Variants in ABCC12 observed in about 807,000 individuals in gnomAD.
ABCC12 encodes the protein ATP binding cassette subfamily C member 12.
ABCC12 carries 142 observed loss-of-function variants against 151.1 expected under a neutral mutation model. The observed-to-expected ratio is 0.94, with a 90% CI of 0.82 to 1.08. The LOEUF (loss-of-function observed/expected upper bound fraction) is 1.08. ABCC12 is among the 50% of genes least tolerant of loss of function. ABCC12 has a pLI of 0.00. For synonymous variants in ABCC12, 645 were observed against 646.4 expected (o/e 1.00, Z 0.03); for missense variants, 1,638 against 1,691.1 (o/e 0.97, Z 0.55).
Position 48,087,918 on chromosome 16 carries a change from A to C in ABCC12, c.3635+8T>G, listed in dbSNP as rs1185915273. The stretch of plus-strand genomic sequence containing the variant: ...AAATAGAAATGCACAATGATTAAAA[A>C]CAGCTACCTTACTGTACCTACAAAC... On this transcript the variant is annotated splice_region_variant and intron_variant, in intron 27 of 30. Transcript: ENST00000311303. The C allele has an allele frequency of 6.2e-7, 1 of 1,604,730 alleles. No homozygotes were observed. The highest frequency in any genetic ancestry group is 8.5e-7 in the Non-Finnish European group (1 of 1,174,340).
At chr16:48,139,837 C>CTGTT (rs1964743562) in intron 6 of ABCC12, among the ~76,000 whole-genome samples, 1 of 152,216 alleles carries the variant, frequency 6.6e-6, no homozygotes, top group Non-Finnish European at 1.5e-5. Context: ...ACCCCTTCTT[C>CTGTT]TGTTCCTCTT....
chr16:48,088,884 T>TC, intron 25 of ABCC12, 150 bp from the exon 26 acceptor site: 3 of 668,904 alleles, frequency 4.5e-6, no homozygotes, highest in Non-Finnish European at 4.7e-6. Context: ...GAAACTCACA[T>TC]TCCAGTGGGG....
chr16:48,153,937 C>T (rs897919567), intron 1 of ABCC12, 53 bp from the exon 2 acceptor site: 2 of 152,174 alleles, frequency 1.3e-5, no homozygotes, highest in African/African-American at 4.8e-5. Flanking sequence ...CTTTGGCTAA[C>T]GTCTCTATCC....
Position 48,111,761 on chromosome 16 carries a change from C to T in ABCC12, c.2124+15G>A, listed in dbSNP as rs768950602. 3.7e-6 allele frequency: 6 copies of T among 1,614,010 alleles called. No individual in the cohort carries two copies. The African/African-American group carries it at 5.3e-5, about 14-fold the overall frequency. ...CCGCCCCAATTGTTCCCACACCTGC[C>T]CAGGTGTGAGTTACCTTGAACTGCA... On this transcript the variant is annotated intron_variant, in intron 16 of 30. Transcript: ENST00000311303.
chr16:48,141,324 G>A lies in ABCC12; in HGVS notation c.305C>T (p.Ala102Val), dbSNP rs16945874. The A allele has an allele frequency of 1.2e-6, 2 of 1,614,084 alleles. No homozygotes were observed. The highest frequency in any genetic ancestry group is 1.7e-5 in the Admixed American group (1 of 60,030). The change falls in exon 5 of 31, where the codon GCA (alanine) becomes GTA (valine). Residue 102 changes from alanine (A) to valine (V), a missense_variant. Ala to Val is a moderately conservative substitution (Grantham distance 64). Transcript: ENST00000311303. ...RFRVLWDEEV[A>V]RVGPEKASLS... ...AGAGGCCTTCTCAGGACCCACCCTTGCTACCTCTTCATCCCAAAGGACTCG... is the reference window on the plus strand; with the variant it reads ...AGAGGCCTTCTCAGGACCCACCCTTACTACCTCTTCATCCCAAAGGACTCG...
At chr16:48,094,236 T>A (rs1963012287) in intron 24 of ABCC12, among the ~76,000 whole-genome samples, 1 of 152,196 alleles carries the variant, frequency 6.6e-6, no homozygotes, top group Non-Finnish European at 1.5e-5. Flanking sequence ...CCAAGGAAAA[T>A]TCATTTTTCC....
In ABCC12 at chr16:48,133,722, G is replaced by C; in HGVS notation, c.1093C>G (p.His365Asp). ...GTGAGTTTGCGTCTCAGGAGGATGT[G>C]GCAGGATAATGTCAGCACGATGGCT... ...TIAIVLTLSCHILLRRKLTAP... is the reference protein window; with the variant it reads ...TIAIVLTLSCDILLRRKLTAP... The change falls in exon 9 of 31, where the codon CAC (histidine) becomes GAC (aspartate). Residue 365 changes from histidine to aspartate, a missense_variant. Transcript: ENST00000311303. 6.2e-7 allele frequency: 1 copy of C among 1,614,070 alleles called. No individual in the cohort carries two copies. The highest frequency in any genetic ancestry group is 1.1e-5 in the South Asian group (1 of 91,070).
intron 23 of ABCC12, among the ~76,000 whole-genome samples, chr16:48,099,839 T>C (rs1006888873): frequency 6.6e-6 from 1 of 152,212 alleles, no homozygotes; most frequent in Non-Finnish European, 1.5e-5. Context: ...TACAATCACC[T>C]ACTGTTGCCC....
intron 22 of ABCC12, among the ~76,000 whole-genome samples, chr16:48,102,986 T>C (rs900412753): frequency 1.4e-4 from 21 of 152,222 alleles, no homozygotes; most frequent in African/African-American, 5.1e-4. Flanking sequence ...ATTAATTCTC[T>C]CACACAGACT....
At chr16:48,119,716 C>G (rs898832722) in intron 13 of ABCC12, among the ~76,000 whole-genome samples, 13 of 152,218 alleles carry the variant, frequency 8.5e-5, no homozygotes, top group Non-Finnish European at 7.3e-5. Context: ...CAAACTACCA[C>G]TGGAGAGCTG....
At position 48,091,197 on chromosome 16, in the gene ABCC12, G is replaced by A. The variant is rs1412003764; in HGVS notation, c.3208C>T (p.Leu1070Phe). 1.2e-6 allele frequency: 2 copies of A among 1,614,074 alleles called. No homozygotes were observed. The change falls in exon 25 of 31, where the codon CTC becomes TTC. Residue 1070 changes from leucine to phenylalanine, a missense_variant. Leu to Phe is a conservative substitution (Grantham distance 22). Transcript: ENST00000311303. ...LSYIIQLSGLLQVCVRTGTET... is the reference protein window; with the variant it reads ...LSYIIQLSGLFQVCVRTGTET... ...GTTCCCGTTCGCACACACACTTGGA[G>A]CAGTCCGCTCAGCTGTTGAAAAGGA...
chr16:48,103,226 G>C (rs569921338), intron 22 of ABCC12, among the ~76,000 whole-genome samples: 1 of 151,878 alleles, frequency 6.6e-6, no homozygotes, highest in Non-Finnish European at 1.5e-5. Context: ...GCACGTCTAG[G>C]AGCATAATCC....
chr16:48,084,229 G>A lies in ABCC12; in HGVS notation c.3829-156C>T, dbSNP rs374848483. ...TCCATCTCAAAAAAGAAAATGAGAA[G>A]AACAAGAGTGAAATAAAAGTCACAT... On this transcript the variant is annotated intron_variant, in intron 29 of 30. Transcript: ENST00000311303. Among the ~76,000 whole-genome samples the A allele has an allele frequency of 7.9e-5, 12 of 152,262 alleles. No individual in the cohort carries two copies. In the South Asian group the frequency reaches 2.3e-3, roughly 29 times the overall value.
intron 6 of ABCC12, 33 bp from the exon 7 acceptor site, chr16:48,139,369 G>A: frequency 6.4e-7 from 1 of 1,563,914 alleles, no homozygotes; most frequent in Non-Finnish European, 8.6e-7. Context: ...TCAGGCTTTG[G>A]AAGAGTCAGT....
At chr16:48,096,153 A>G (rs1186288778) in intron 24 of ABCC12, among the ~76,000 whole-genome samples, 1 of 152,212 alleles carries the variant, frequency 6.6e-6, no homozygotes, top group African/African-American at 2.4e-5. Context: ...ATTGTTATTC[A>G]AAAGAAAAAA....
chr16:48,095,297 AAGACGT>A (rs1963057615), intron 24 of ABCC12, among the ~76,000 whole-genome samples: 1 of 152,114 alleles, frequency 6.6e-6, no homozygotes, highest in African/African-American at 2.4e-5. Flanking sequence ...GCCACCAAGT[AAGACGT>A]GCCTTTCACC....
intron 9 of ABCC12, 79 bp downstream of exon 9, chr16:48,133,608 C>T (rs1384715102): frequency 7.2e-6 from 11 of 1,530,354 alleles, no homozygotes; most frequent in South Asian, 2.5e-5. Flanking sequence ...CAGTATTGAG[C>T]GACGGTAGGA....
chr16:48,145,957 A>C (rs1964986519), intron 3 of ABCC12, among the ~76,000 whole-genome samples: 1 of 152,234 alleles, frequency 6.6e-6, no homozygotes, highest in Non-Finnish European at 1.5e-5. Flanking sequence ...ACCTTAGGCA[A>C]GTCACTTAAC....
intron 23 of ABCC12, 161 bp from the exon 24 acceptor site, chr16:48,097,063 A>G (rs1439908635): frequency 1.1e-5 from 9 of 800,778 alleles, no homozygotes; most frequent in Non-Finnish European, 1.9e-5. Flanking sequence ...AACTCTTACA[A>G]AAATGAACAT....
Sources: allele counts gnomAD v4.1 joint callset (sites outside exome capture counted in the v4.1 genomes callset), GRCh38; gene constraint gnomAD v4.1.1; transcripts MANE v1.5; gene names NCBI Gene and HGNC (gene_info 2026-07-23, HGNC 2026-07-21).